FAR2: variants seen among roughly 807,000 people sequenced by gnomAD.
FAR2 encodes epididymis secretory protein Li 81.
Under a neutral mutation model 56.0 loss-of-function variants are expected in FAR2, and 19 were observed. The observed-to-expected ratio is 0.34, with a 90% CI of 0.24 to 0.50. The LOEUF (loss-of-function observed/expected upper bound fraction) is 0.50, where lower values mean the gene tolerates loss of function less well. Ranked by LOEUF, FAR2 falls within the 20% of genes least tolerant of loss-of-function variation. The pLI is 0.98. For missense variants in FAR2, 508 were observed against 642.2 expected, an observed-to-expected ratio of 0.79 and a Z score of 2.26; for synonymous variants, 219 against 218.8, an observed-to-expected ratio of 1.00 and a Z score of -0.01.
At chr12:29,203,781 C>T (rs1207699848) in intron 1 of FAR2, among the ~76,000 whole-genome samples, 3 of 151,820 alleles carry the variant, frequency 2.0e-5, no homozygotes, top group East Asian at 1.9e-4. Context: ...GGGTGGATCA[C>T]GAGGTCAGGA....
Position 29,169,581 on chromosome 12 carries a change from G to A in FAR2, c.-39+20174G>A, listed in dbSNP as rs534172467. 3.3e-4 allele frequency among the ~76,000 whole-genome samples: 51 copies of A among 152,244 alleles called. 1 individual carries two copies. The highest frequency in any genetic ancestry group is 6.2e-4 in the South Asian group (3 of 4,816). On this transcript the variant is annotated intron_variant, in intron 1 of 11. Coordinates refer to ENST00000536681, the MANE Select transcript of FAR2 (RefSeq NM_001271783.2). ...TCAGAAGCCTTTTCCTGTAAATGCC[G>A]GGCAGCGTTTCCTACTATCCCTGAC...
At chr12:29,231,237 G>A (rs12580016) in intron 1 of FAR2, among the ~76,000 whole-genome samples, 1 of 152,166 alleles carries the variant, frequency 6.6e-6, no homozygotes, top group Non-Finnish European at 1.5e-5. Context: ...TGGTGGCTTA[G>A]GTCATGTGGT....
chr12:29,268,563 G>A (rs529116533), intron 1 of FAR2, among the ~76,000 whole-genome samples: 13 of 152,270 alleles, frequency 8.5e-5, no homozygotes, highest in African/African-American at 1.9e-4. Context: ...ACCTGTGGTC[G>A]GTGGCCTCCC....
intron 1 of FAR2, among the ~76,000 whole-genome samples, chr12:29,188,211 T>C (rs1380238285): frequency 6.6e-6 from 1 of 152,236 alleles, no homozygotes; most frequent in African/African-American, 2.4e-5. Flanking sequence ...GCTTCTGCTT[T>C]TAAAACACAA....
At chr12:29,243,757 C>T (rs1331255389) in intron 1 of FAR2, among the ~76,000 whole-genome samples, 2 of 152,174 alleles carry the variant, frequency 1.3e-5, no homozygotes, top group Non-Finnish European at 2.9e-5. Context: ...CTTCTAGGAA[C>T]TGTTAAAGTC....
At chr12:29,305,984 G>GTT (rs1248063214) in intron 4 of FAR2, among the ~76,000 whole-genome samples, 8 of 143,056 alleles carry the variant, frequency 5.6e-5, no homozygotes, top group African/African-American at 7.6e-5. Context: ...TGTTTCCTAG[G>GTT]TTTTTTTTTT....
intron 1 of FAR2, among the ~76,000 whole-genome samples, chr12:29,150,948 G>A (rs1257592112): frequency 5.3e-5 from 8 of 152,202 alleles, no homozygotes; most frequent in Non-Finnish European, 1.2e-4. Context: ...CTTAAAGGAA[G>A]CTAAAATGTG....
chr12:29,274,974 G>A (rs533152248), intron 2 of FAR2, among the ~76,000 whole-genome samples: 5 of 7,000 alleles, frequency 7.1e-4, no homozygotes, highest in South Asian at 9.3e-3. Flanking sequence ...GCCGTGACTC[G>A]GATCGGGGGA....
At chr12:29,209,530 G>T (rs181684610) in intron 1 of FAR2, among the ~76,000 whole-genome samples, 129 of 152,316 alleles carry the variant, frequency 8.5e-4, no homozygotes, top group South Asian at 2.9e-3. Flanking sequence ...ACCCTGGGAA[G>T]AAGTTACTGC....
At chr12:29,205,238 T>C (rs1176961084) in intron 1 of FAR2, among the ~76,000 whole-genome samples, 2 of 152,220 alleles carry the variant, frequency 1.3e-5, no homozygotes, top group Non-Finnish European at 2.9e-5. Flanking sequence ...AAATAGTACT[T>C]GTTTGTCGCT....
chr12:29,324,842 T>A (rs1375030437), intron 10 of FAR2, among the ~76,000 whole-genome samples: 2 of 152,110 alleles, frequency 1.3e-5, no homozygotes, highest in African/African-American at 2.4e-5. Flanking sequence ...CTGCATCAAC[T>A]AACGAGCAAA....
chr12:29,211,392 G>A (rs111340433), intron 1 of FAR2, among the ~76,000 whole-genome samples: 11 of 152,318 alleles, frequency 7.2e-5, no homozygotes, highest in African/African-American at 2.6e-4. Flanking sequence ...AGACTTTAAA[G>A]AGTGCTTTAC....
chr12:29,242,497 A>G (rs1354139541), intron 1 of FAR2, among the ~76,000 whole-genome samples: 3 of 152,220 alleles, frequency 2.0e-5, no homozygotes, highest in Non-Finnish European at 4.4e-5. Context: ...CAGTGACAGT[A>G]CAGAGAACTG....
At chr12:29,189,593 T>G (rs1387501480) in intron 1 of FAR2, among the ~76,000 whole-genome samples, 1 of 152,112 alleles carries the variant, frequency 6.6e-6, no homozygotes, top group Non-Finnish European at 1.5e-5. Context: ...GCCCTCTCAG[T>G]TAACATAGCT....
chr12:29,329,789 T>C (rs1299634694), intron 10 of FAR2, among the ~76,000 whole-genome samples: 1 of 151,872 alleles, frequency 6.6e-6, no homozygotes, highest in Non-Finnish European at 1.5e-5. Flanking sequence ...AAAATACATA[T>C]AATGAAAGAA....
intron 9 of FAR2, 147 bp from the exon 10 acceptor site, chr12:29,321,648 G>A (rs1949553352): frequency 1.1e-6 from 1 of 892,862 alleles, no homozygotes; most frequent in African/African-American, 1.7e-5. Context: ...AGTTAATGTG[G>A]AAGGAGAAAA....
At chr12:29,208,252 T>C (rs1947499504) in intron 1 of FAR2, among the ~76,000 whole-genome samples, 2 of 152,196 alleles carry the variant, frequency 1.3e-5, no homozygotes, top group Non-Finnish European at 2.9e-5. Context: ...AACTGAAGTT[T>C]AAAGACCATG....
chr12:29,307,872 A>C (rs1949279365), intron 5 of FAR2, 37 bp downstream of exon 5: 1 of 1,581,374 alleles, frequency 6.3e-7, no homozygotes, highest in Non-Finnish European at 8.6e-7. Flanking sequence ...TTTTGCTTCC[A>C]AACTAAGGTT....
rs527950065 is a variant in FAR2 at position 29,278,381 on chromosome 12, C to T, written c.189+7743C>T. ...CTGAGACATGGTCTCACTCTTATCA[C>T]TAAGGCTGGAGGGCACTGCATGATC... On this transcript the variant is annotated intron_variant, in intron 2 of 11. Coordinates refer to ENST00000536681, the MANE Select transcript of FAR2 (RefSeq NM_001271783.2). 9.2e-5 allele frequency among the ~76,000 whole-genome samples: 14 copies of T among 152,262 alleles called. 1 individual carries two copies. In the South Asian group the frequency reaches 2.7e-3, roughly 29 times the overall value.
Sources: gnomAD v4.1 joint callset for allele counts (sites outside exome capture counted in the v4.1 genomes callset) on GRCh38, gnomAD v4.1.1 for gene constraint, MANE v1.5 for transcripts, NCBI Gene and HGNC (gene_info 2026-07-23, HGNC 2026-07-21) for gene names.